The following SBF2 variants were observed in gnomAD, a reference collection of about 807,000 sequenced individuals.
The protein encoded by SBF2 is myotubularin-related protein 13.
SBF2 carries 112 observed loss-of-function variants against 225.2 expected under a neutral mutation model. The observed-to-expected ratio is 0.50, with a 90% CI of 0.43 to 0.58. SBF2 has a LOEUF of 0.58. SBF2 is among the 20% of genes least tolerant of loss of function. SBF2 has a pLI of 0.00. For missense variants in SBF2, 1,996 were observed against 2,206.2 expected, an observed-to-expected ratio of 0.90 and a Z score of 1.91; for synonymous variants, 763 against 773.3, an observed-to-expected ratio of 0.99 and a Z score of 0.22.
At chr11:9,792,633 C>T (rs750690473) in intron 33 of SBF2, among the ~76,000 whole-genome samples, 2 of 152,108 alleles carry the variant, frequency 1.3e-5, no homozygotes, top group African/African-American at 2.4e-5. Flanking sequence ...GGACTAGGGA[C>T]ACGAAACTAG....
chr11:9,903,683 G>C (rs191104166), intron 16 of SBF2, among the ~76,000 whole-genome samples: 1 of 152,286 alleles, frequency 6.6e-6, no homozygotes, highest in African/African-American at 2.4e-5. Context: ...CTTGATCCTA[G>C]GACTTTATTT....
Position 9,918,745 on chromosome 11 carries a change from C to CT in SBF2, c.1861-22735dup, listed in dbSNP as rs71453939. Among the ~76,000 whole-genome samples, 122 of 143,798 alleles carry CT rather than the reference C, an allele frequency of 8.5e-4. 1 individual carries two copies. The highest frequency in any genetic ancestry group is 3.7e-3 in the Middle Eastern group (1 of 268). 94.3% of individuals were successfully genotyped at this position (143,798 alleles called of 152,430 possible). Reference sequence around the variant, plus strand: ...TTTTCTTTTCCTTGTGGATTTACGTCTTTTTTTTTTTGAGACGGAGTCTCA... The same window carrying CT: ...TTTTCTTTTCCTTGTGGATTTACGTCTTTTTTTTTTTTGAGACGGAGTCTCA... On this transcript the variant is annotated intron_variant, in intron 16 of 39. Transcript: ENST00000256190.
intron 16 of SBF2, among the ~76,000 whole-genome samples, chr11:9,932,666 C>T (rs1433329034): frequency 6.6e-6 from 1 of 152,102 alleles, no homozygotes; most frequent in Non-Finnish European, 1.5e-5. Context: ...GTACCAGCCA[C>T]TGCAAAAACA....
At chr11:9,915,157 T>G (rs749883323) in intron 16 of SBF2, among the ~76,000 whole-genome samples, 2 of 151,880 alleles carry the variant, frequency 1.3e-5, no homozygotes, top group African/African-American at 2.4e-5. Context: ...AGAGAGTACT[T>G]GAAAAAGAAG....
At chr11:9,974,001 A>T (rs1946567453) in intron 13 of SBF2, among the ~76,000 whole-genome samples, 1 of 152,150 alleles carries the variant, frequency 6.6e-6, no homozygotes, top group African/African-American at 2.4e-5. Context: ...TTTTTTTTCT[A>T]ATACAGTTGA....
At chr11:9,815,281 T>TAA (rs35464212) in intron 29 of SBF2, among the ~76,000 whole-genome samples, 19 of 42,802 alleles carry the variant, frequency 4.4e-4, no homozygotes, top group African/African-American at 1.5e-3. Flanking sequence ...CTACTAAAAC[T>TAA]AAAAAAAAAA....
chr11:10,173,394 G>C (rs1454678745), intron 2 of SBF2, among the ~76,000 whole-genome samples: 2 of 152,214 alleles, frequency 1.3e-5, no homozygotes, highest in African/African-American at 4.8e-5. Flanking sequence ...AAAGAAAGGG[G>C]TGACAGATGG....
chr11:9,932,201 C>T (rs149115574), intron 16 of SBF2, among the ~76,000 whole-genome samples: 2,499 of 152,278 alleles, frequency 0.016, 37 homozygotes, highest in East Asian at 0.09. Flanking sequence ...AGTTGGAAAA[C>T]ACTCTTCAGG....
chr11:10,101,659 C>G (rs904573412), intron 2 of SBF2, among the ~76,000 whole-genome samples: 19 of 148,158 alleles, frequency 1.3e-4, no homozygotes, highest in Middle Eastern at 3.4e-3. Flanking sequence ...CTCTCTCGCT[C>G]TGTGTGTGTG....
In SBF2 at chr11:9,791,216, A is replaced by C. The variant is rs1025816117; in HGVS notation, c.4571-533T>G. On this transcript the variant is annotated intron_variant, in intron 33 of 39. Transcript: ENST00000256190. ...TGTAGTCTGTGTCCTTGGGTGACTTAAAAATAAAAGCAGAACTTTTATACC... is the reference window on the plus strand; with the variant it reads ...TGTAGTCTGTGTCCTTGGGTGACTTCAAAATAAAAGCAGAACTTTTATACC... 3 of 152,348 alleles carry C rather than the reference A, an allele frequency of 2.0e-5. No individual in the cohort carries two copies. In the East Asian group the frequency reaches 5.8e-4, roughly 29 times the overall value. The allele number at this position is 152,348 out of a possible 1,614,324, so 9.4% of individuals were successfully genotyped here.
intron 25 of SBF2, among the ~76,000 whole-genome samples, chr11:9,841,422 T>G (rs1176706170): frequency 2.6e-5 from 4 of 152,164 alleles, no homozygotes; most frequent in Non-Finnish European, 4.4e-5. Context: ...CAAATGGGTG[T>G]GGTGTTATTT....
At chr11:10,041,036 G>C (rs1036144652) in intron 3 of SBF2, among the ~76,000 whole-genome samples, 2 of 152,018 alleles carry the variant, frequency 1.3e-5, no homozygotes, top group Non-Finnish European at 2.9e-5. Flanking sequence ...TAGAAGAAGA[G>C]GGGTGAATAG....
intron 2 of SBF2, among the ~76,000 whole-genome samples, chr11:10,181,164 GA>G (rs940969296): frequency 2.6e-5 from 4 of 151,954 alleles, no homozygotes; most frequent in African/African-American, 9.7e-5. Flanking sequence ...CAGAAATAAA[GA>G]AAACTTTTTT....
intron 2 of SBF2, among the ~76,000 whole-genome samples, chr11:10,060,922 G>A (rs182189767): frequency 2.7e-3 from 415 of 152,194 alleles, no homozygotes; most frequent in African/African-American, 8.9e-3. Flanking sequence ...CAGCTACTCC[G>A]GAGGCTGAGG....
chr11:10,237,855 G>C (rs1047958415), intron 1 of SBF2, among the ~76,000 whole-genome samples: 3 of 152,148 alleles, frequency 2.0e-5, no homozygotes, highest in African/African-American at 4.8e-5. Flanking sequence ...GTTTAGAATT[G>C]CATGTAAATA....
intron 16 of SBF2, among the ~76,000 whole-genome samples, chr11:9,931,979 C>T (rs1028268483): frequency 1.3e-5 from 2 of 151,098 alleles, no homozygotes; most frequent in Admixed American, 1.3e-4. Context: ...AACTTCGTGA[C>T]GCATGCACAA....
chr11:9,909,963 T>C (rs967060355), intron 16 of SBF2, among the ~76,000 whole-genome samples: 4 of 152,040 alleles, frequency 2.6e-5, no homozygotes, highest in African/African-American at 7.2e-5. Context: ...GGCAGAAATA[T>C]GGAAAAATAA....
chr11:9,875,403 T>C (rs904793735), intron 17 of SBF2, among the ~76,000 whole-genome samples: 13 of 152,230 alleles, frequency 8.5e-5, no homozygotes, highest in Non-Finnish European at 2.9e-5. Context: ...AGCTCCTCTT[T>C]TTATTAATGT....
At chr11:10,206,080 A>G (rs1193561674) in intron 1 of SBF2, among the ~76,000 whole-genome samples, 1 of 151,674 alleles carries the variant, frequency 6.6e-6, no homozygotes, top group Admixed American at 6.6e-5. Flanking sequence ...GGGCAGTGAA[A>G]TAGCACCAAT....
Sources: allele counts gnomAD v4.1 joint callset (sites outside exome capture counted in the v4.1 genomes callset), GRCh38; gene constraint gnomAD v4.1.1; transcripts MANE v1.5; gene names NCBI Gene and HGNC (gene_info 2026-07-23, HGNC 2026-07-21).